The following PRKCA variants were observed in gnomAD, a reference collection of about 807,000 sequenced individuals.
The protein encoded by PRKCA is protein kinase C alpha type.
PRKCA carries 27 observed loss-of-function variants against 87.0 expected under a neutral mutation model. That is an observed-to-expected ratio of 0.31 (90% CI 0.23 to 0.43). PRKCA has a LOEUF of 0.43. Ranked by LOEUF, PRKCA falls within the 20% of genes least tolerant of loss-of-function variation. PRKCA has a pLI of 1.00. For missense variants in PRKCA, 518 were observed against 852.3 expected, an observed-to-expected ratio of 0.61 and a Z score of 4.88; for synonymous variants, 329 against 311.1, an observed-to-expected ratio of 1.06 and a Z score of -0.61.
intron 3 of PRKCA, among the ~76,000 whole-genome samples, chr17:66,585,266 C>G (rs1295756863): frequency 1.3e-5 from 2 of 152,274 alleles, no homozygotes; most frequent in African/African-American, 4.8e-5. Flanking sequence ...ACCTGGTTGA[C>G]AGAAGGGAAG....
At chr17:66,387,150 A>G (rs1392847421) in intron 2 of PRKCA, among the ~76,000 whole-genome samples, 2 of 152,242 alleles carry the variant, frequency 1.3e-5, no homozygotes, top group Non-Finnish European at 2.9e-5. Flanking sequence ...TTGTAGTACA[A>G]CAGGAAAACA....
chr17:66,742,133 G>A lies in PRKCA; in HGVS notation c.1385+412G>A, dbSNP rs115524479. Among the ~76,000 whole-genome samples, 525 of 152,314 alleles carry A rather than the reference G, an allele frequency of 3.4e-3. 4 individuals are homozygous for A. Among genetic ancestry groups the A allele is most frequent in the African/African-American group, 0.012 (504 of 41,566 alleles). Reference sequence around the variant, plus strand: ...CTGCCTGTTAGTAGCTGTGCTGAAAGTCTGGTGCCAAAGAAGGAAGAATTT... The same window carrying A: ...CTGCCTGTTAGTAGCTGTGCTGAAAATCTGGTGCCAAAGAAGGAAGAATTT... On this transcript the variant is annotated intron_variant, in intron 12 of 16. Coordinates refer to ENST00000413366, the MANE Select transcript of PRKCA (RefSeq NM_002737.3).
At chr17:66,457,251 G>A (rs1914614307) in intron 2 of PRKCA, among the ~76,000 whole-genome samples, 1 of 152,134 alleles carries the variant, frequency 6.6e-6, no homozygotes, top group Non-Finnish European at 1.5e-5. Context: ...GTGGGGGTCA[G>A]GAGAACAGCA....
chr17:66,774,934 T>C, intron 14 of PRKCA: 1 of 985,424 alleles, frequency 1.0e-6, no homozygotes, highest in Non-Finnish European at 1.2e-6. Flanking sequence ...ATGTACCAGA[T>C]AACCATGTGC....
intron 3 of PRKCA, among the ~76,000 whole-genome samples, chr17:66,591,405 C>T (rs750017813): frequency 2.0e-4 from 31 of 152,048 alleles, no homozygotes; most frequent in Non-Finnish European, 4.1e-4. Context: ...ATGATCCTCC[C>T]ACTTTGGTCT....
intron 8 of PRKCA, among the ~76,000 whole-genome samples, chr17:66,693,480 A>C (rs1263834560): frequency 1.3e-5 from 2 of 152,202 alleles, no homozygotes; most frequent in Non-Finnish European, 2.9e-5. Context: ...GCCCTGCTGC[A>C]AAAATATTTG....
intron 3 of PRKCA, among the ~76,000 whole-genome samples, chr17:66,606,787 T>C (rs1308940048): frequency 6.6e-6 from 1 of 152,178 alleles, no homozygotes; most frequent in Non-Finnish European, 1.5e-5. Context: ...ATTCTATTTT[T>C]AGAAATCTCT....
At chr17:66,442,107 G>T (rs964442288) in intron 2 of PRKCA, among the ~76,000 whole-genome samples, 10 of 151,870 alleles carry the variant, frequency 6.6e-5, no homozygotes, top group Admixed American at 2.6e-4. Context: ...CTGTTGCCAG[G>T]TGTGAGTGCA....
intron 16 of PRKCA, among the ~76,000 whole-genome samples, chr17:66,801,557 A>G (rs976676100): frequency 1.3e-5 from 2 of 152,222 alleles, no homozygotes; most frequent in Admixed American, 6.5e-5. Flanking sequence ...AAGAAACAGC[A>G]TGCCCTTATT....
chr17:66,306,069 T>C, intron 1 of PRKCA, 27 bp from the exon 2 acceptor site: 3 of 1,609,486 alleles, frequency 1.9e-6, no homozygotes, highest in Non-Finnish European at 2.5e-6. Context: ...TATGTTAAGA[T>C]ATTTTGTTCT....
chr17:66,777,182 A>C, intron 14 of PRKCA: 2 of 985,186 alleles, frequency 2.0e-6, no homozygotes, highest in Non-Finnish European at 2.4e-6. Context: ...CCCATGTCCG[A>C]ACAGCCACCT....
intron 8 of PRKCA, among the ~76,000 whole-genome samples, chr17:66,732,438 A>G (rs1973925312): frequency 6.6e-6 from 1 of 152,232 alleles, no homozygotes; most frequent in African/African-American, 2.4e-5. Flanking sequence ...CCACGCATCA[A>G]TTCTAGGTTG....
intron 2 of PRKCA, among the ~76,000 whole-genome samples, chr17:66,329,241 A>G (rs945775353): frequency 3.3e-5 from 5 of 152,188 alleles, no homozygotes; most frequent in African/African-American, 1.2e-4. Flanking sequence ...CAAAGGTCAG[A>G]GGACTGTGGT....
chr17:66,333,201 T>C (rs1338252188), intron 2 of PRKCA, among the ~76,000 whole-genome samples: 1 of 152,194 alleles, frequency 6.6e-6, no homozygotes, highest in African/African-American at 2.4e-5. Flanking sequence ...ATCAATGACA[T>C]CTACATTACA....
chr17:66,306,785 A>G (rs1367897986), intron 2 of PRKCA, among the ~76,000 whole-genome samples: 1 of 151,906 alleles, frequency 6.6e-6, no homozygotes, highest in Admixed American at 6.6e-5. Context: ...AACTTTTTGT[A>G]CTCTCCATTC....
At chr17:66,707,285 C>A (rs891511306) in intron 8 of PRKCA, among the ~76,000 whole-genome samples, 7 of 152,208 alleles carry the variant, frequency 4.6e-5, no homozygotes, top group Admixed American at 3.9e-4. Flanking sequence ...TACTCACTTG[C>A]CAGACACACC....
At chr17:66,355,517 T>C (rs934419658) in intron 2 of PRKCA, among the ~76,000 whole-genome samples, 1 of 152,174 alleles carries the variant, frequency 6.6e-6, no homozygotes, top group Admixed American at 6.5e-5. Flanking sequence ...CATTCTGAGT[T>C]TTTTTGTACA....
intron 2 of PRKCA, among the ~76,000 whole-genome samples, chr17:66,377,494 T>C (rs1464180946): frequency 6.7e-6 from 1 of 149,290 alleles, no homozygotes; most frequent in Non-Finnish European, 1.5e-5. Context: ...TATATATACA[T>C]GTATACATGT....
chr17:66,354,694 T>C (rs1907947964), intron 2 of PRKCA, among the ~76,000 whole-genome samples: 1 of 152,168 alleles, frequency 6.6e-6, no homozygotes, highest in African/African-American at 2.4e-5. Context: ...AGCTCTTCCC[T>C]CTTAGGCCAT....
Sources: gnomAD v4.1 joint callset for allele counts (sites outside exome capture counted in the v4.1 genomes callset) on GRCh38, gnomAD v4.1.1 for gene constraint, MANE v1.5 for transcripts, NCBI Gene and HGNC (gene_info 2026-07-23, HGNC 2026-07-21) for gene names.